DCHS2: variants seen among roughly 807,000 people sequenced by gnomAD.
DCHS2 encodes the protein dachsous cadherin-related 2.
A neutral mutation model predicts 182.4 loss-of-function variants in DCHS2; 142 were observed. The observed-to-expected ratio is 0.78, with a 90% CI of 0.68 to 0.89. DCHS2 has a LOEUF of 0.89. Ranked by LOEUF, DCHS2 falls within the 40% of genes least tolerant of loss-of-function variation. DCHS2 has a pLI of 0.00. For missense variants in DCHS2, 4,319 were observed against 4,198.6 expected (o/e 1.03, Z -0.79); for synonymous variants, 1,740 against 1,663.3 (o/e 1.05, Z -1.12).
chr4:154,285,209 C>G (rs1734339155), intron 13 of DCHS2, among the ~76,000 whole-genome samples: 1 of 152,080 alleles, frequency 6.6e-6, no homozygotes, highest in Non-Finnish European at 1.5e-5. Context: ...GCCCTTGGGC[C>G]CTGAAGTACT....
At chr4:154,375,943 G>A (rs1368522456) in intron 2 of DCHS2, among the ~76,000 whole-genome samples, 2 of 151,988 alleles carry the variant, frequency 1.3e-5, no homozygotes, top group Non-Finnish European at 2.9e-5. Context: ...AATGATTCCG[G>A]CAAATAATTT....
chr4:154,297,991 A>C lies in DCHS2; in HGVS notation c.6323T>G (p.Leu2108Arg). ...GCCCTGGTCTGTAACTTTTAACTGC[A>C]GCCAGATAGGGAAGTATTCTGAAGA... ...NPSSEYFPIW[L>R]QLKVTDQGIP... Residue 2108 changes from leucine to arginine, a missense_variant, in exon 13 of 20, where the codon CTG becomes CGG. By Grantham distance (102) the Leu-to-Arg change is moderately radical. Coordinates refer to ENST00000357232, the MANE Select transcript of DCHS2 (RefSeq NM_001358235.2). The C allele has an allele frequency of 2.5e-6, 4 of 1,614,136 alleles. No homozygotes were observed. The highest frequency in any genetic ancestry group is 3.4e-6 in the Non-Finnish European group (4 of 1,180,000).
intron 13 of DCHS2, among the ~76,000 whole-genome samples, chr4:154,292,688 G>A (rs1226890520): frequency 2.0e-5 from 3 of 152,056 alleles, no homozygotes; most frequent in Non-Finnish European, 1.5e-5. Flanking sequence ...TTTCTCCCAT[G>A]TTCATACCTC....
In DCHS2 at chr4:154,238,986, A is replaced by G. The variant is rs145800005; in HGVS notation, c.7492+184T>C. ...TCCAGCCACTGAGATGTTGGAGAAG[A>G]GAAATAACACTGGCATTTGCTATCG... On this transcript the variant is annotated intron_variant, in intron 19 of 19. Coordinates refer to ENST00000357232, the MANE Select transcript of DCHS2 (RefSeq NM_001358235.2). Among the ~76,000 whole-genome samples the G allele has an allele frequency of 6.1e-3, 930 of 152,184 alleles. 11 individuals are homozygous for G. Among genetic ancestry groups the G allele is most frequent in the African/African-American group, 0.021 (883 of 41,506 alleles).
chr4:154,462,716 A>T lies in DCHS2; in HGVS notation c.2052+26588T>A, dbSNP rs902349051. Among the ~76,000 whole-genome samples, 14 of 152,192 alleles carry T rather than the reference A, an allele frequency of 9.2e-5. No individual in the cohort carries two copies. In the East Asian group the frequency reaches 2.7e-3, roughly 29 times the overall value. On this transcript the variant is annotated intron_variant, in intron 1 of 19. Coordinates refer to ENST00000357232, the MANE Select transcript of DCHS2 (RefSeq NM_001358235.2). ...ACTTTAATACATATAACCAGAAAGC[A>T]TTAAACACTGGGATAGAGGGGAAAA...
At chr4:154,337,850 T>A (rs1811624) in intron 3 of DCHS2, among the ~76,000 whole-genome samples, 4 of 152,076 alleles carry the variant, frequency 2.6e-5, no homozygotes, top group Non-Finnish European at 5.9e-5. Context: ...AAGCGATTCT[T>A]CTGCCTCAGC....
intron 1 of DCHS2, among the ~76,000 whole-genome samples, chr4:154,459,189 G>A (rs773363712): frequency 6.6e-6 from 1 of 152,014 alleles, no homozygotes; most frequent in Non-Finnish European, 1.5e-5. Flanking sequence ...GATTTGTCAG[G>A]GGAGTTATGC....
intron 1 of DCHS2, among the ~76,000 whole-genome samples, chr4:154,399,649 T>C (rs1235199821): frequency 3.9e-5 from 6 of 152,248 alleles, no homozygotes; most frequent in African/African-American, 1.4e-4. Context: ...CTATCTTTAA[T>C]ATTTCAAGGA....
At chr4:154,241,400 A>T (rs947903864) in intron 17 of DCHS2, among the ~76,000 whole-genome samples, 2 of 152,202 alleles carry the variant, frequency 1.3e-5, no homozygotes, top group African/African-American at 2.4e-5. Context: ...CAAAGTCTAC[A>T]TAGTACTAGT....
chr4:154,402,005 T>G (rs975811727), intron 1 of DCHS2, among the ~76,000 whole-genome samples: 23 of 152,354 alleles, frequency 1.5e-4, no homozygotes, highest in Non-Finnish European at 2.6e-4. Context: ...GGTATTCTGC[T>G]GTGTTGTCTT....
At chr4:154,368,371 G>A (rs1730491487) in intron 2 of DCHS2, among the ~76,000 whole-genome samples, 1 of 152,026 alleles carries the variant, frequency 6.6e-6, no homozygotes, top group African/African-American at 2.4e-5. Flanking sequence ...TTAGGGTTGA[G>A]GTAAGAGAAG....
At chr4:154,463,551 C>T (rs545329307) in intron 1 of DCHS2, among the ~76,000 whole-genome samples, 2 of 152,052 alleles carry the variant, frequency 1.3e-5, no homozygotes, top group Non-Finnish European at 2.9e-5. Flanking sequence ...TCATTGATTT[C>T]TTGAAGGAGA....
chr4:154,430,643 T>C (rs1305477477), intron 1 of DCHS2, among the ~76,000 whole-genome samples: 1 of 152,254 alleles, frequency 6.6e-6, no homozygotes, highest in Non-Finnish European at 1.5e-5. Flanking sequence ...TTTTAAATTC[T>C]AAGCATGAGT....
chr4:154,242,580 G>T, intron 17 of DCHS2, 62 bp downstream of exon 17: 1 of 1,558,572 alleles, frequency 6.4e-7, no homozygotes, highest in South Asian at 1.2e-5. Context: ...TCTGGCTAAA[G>T]AAAATGGTAA....
At chr4:154,257,693 AACC>A (rs1732760455) in intron 15 of DCHS2, among the ~76,000 whole-genome samples, 2 of 152,212 alleles carry the variant, frequency 1.3e-5, no homozygotes, top group South Asian at 4.1e-4. Context: ...ACCAGGAAGC[AACC>A]ACCACAATTG....
chr4:154,298,570 G>A lies in DCHS2; in HGVS notation c.5744C>T (p.Ser1915Phe). Reference sequence around the variant, plus strand: ...AACTCTAACTTGCAGGTGTATTACAGAGCTCCTAGGTGGATCTCCCAGGTC... The same window carrying A: ...AACTCTAACTTGCAGGTGTATTACAAAGCTCCTAGGTGGATCTCCCAGGTC... ...CSDLGDPPRS[S>F]VIHLQVRVLD... The change falls in exon 13 of 20, where the codon TCT becomes TTT. Residue 1915 changes from serine to phenylalanine, a missense_variant. Coordinates refer to ENST00000357232, the MANE Select transcript of DCHS2 (RefSeq NM_001358235.2). 1.9e-6 allele frequency: 3 copies of A among 1,614,174 alleles called. No individual in the cohort carries two copies. The highest frequency in any genetic ancestry group is 2.5e-6 in the Non-Finnish European group (3 of 1,180,000).
At chr4:154,414,506 T>TC (rs1450544489) in intron 1 of DCHS2, among the ~76,000 whole-genome samples, 4 of 148,366 alleles carry the variant, frequency 2.7e-5, no homozygotes, top group Non-Finnish European at 6.0e-5. Flanking sequence ...TTTTTTTTTT[T>TC]TTTTTGGCCA....
intron 16 of DCHS2, among the ~76,000 whole-genome samples, chr4:154,247,885 A>AGAC (rs1732158240): frequency 6.6e-6 from 1 of 152,342 alleles, no homozygotes; most frequent in African/African-American, 2.4e-5. Flanking sequence ...TGGAAGAGAA[A>AGAC]GACATGGGAT....
At position 154,298,009 on chromosome 4, in the gene DCHS2, T is replaced by C; in HGVS notation, c.6305A>G (p.Glu2102Gly). 6.2e-7 allele frequency: 1 copy of C among 1,614,106 alleles called. No homozygotes were observed. Among genetic ancestry groups the C allele is most frequent in the Non-Finnish European group, 8.5e-7 (1 of 1,180,000 alleles). Residue 2102 changes from glutamate (E) to glycine (G), a missense_variant, in exon 13 of 20, where the codon GAA becomes GGA. Physicochemically the swap from Glu to Gly is moderately conservative, Grantham distance 98. Transcript: ENST00000357232. The part of the protein sequence containing the change: ...EIQFQQNPSS[E>G]YFPIWLQLKV... ...TAACTGCAGCCAGATAGGGAAGTAT[T>C]CTGAAGATGGATTTTGCTGAAATTG...
Sources: allele counts gnomAD v4.1 joint callset (sites outside exome capture counted in the v4.1 genomes callset), GRCh38; gene constraint gnomAD v4.1.1; transcripts MANE v1.5; gene names NCBI Gene and HGNC (gene_info 2026-07-23, HGNC 2026-07-21).